The following VPS13B variants were observed in gnomAD, a reference collection of about 807,000 sequenced individuals.
The protein encoded by VPS13B is vacuolar protein sorting 13 homolog B, also known as intermembrane lipid transfer protein VPS13B.
In VPS13B, 285 loss-of-function variants were observed where a neutral mutation model predicts 426.4. The ratio of observed to expected loss-of-function variants is 0.67; its 90% CI spans 0.61 to 0.74. The LOEUF (loss-of-function observed/expected upper bound fraction) is 0.74. Among genes scored for constraint, VPS13B ranks in the 30% least tolerant of loss-of-function variants. The pLI, the probability that VPS13B is intolerant of heterozygous loss-of-function variation, is 0.00. For synonymous variants in VPS13B, 1,676 were observed against 1,676.4 expected (o/e 1.00, Z 0.01); for missense variants, 4,537 against 4,782.6 (o/e 0.95, Z 1.51).
chr8:99,821,103 A>AACACACAC (rs755074579), intron 49 of VPS13B, among the ~76,000 whole-genome samples, 191 bp from the exon 50 acceptor site: 979 of 78,320 alleles, frequency 0.013, 23 homozygotes, highest in Middle Eastern at 0.03. Context: ...GTCATTACAA[A>AACACACAC]ACACACACAC....
At chr8:99,637,099 T>C (rs1185376133) in intron 33 of VPS13B, among the ~76,000 whole-genome samples, 2 of 152,058 alleles carry the variant, frequency 1.3e-5, no homozygotes, top group Non-Finnish European at 2.9e-5. Context: ...TTAGTCCCCT[T>C]GGACAATAAT....
At chr8:99,406,845 G>A (rs1002371179) in intron 21 of VPS13B, among the ~76,000 whole-genome samples, 6 of 152,134 alleles carry the variant, frequency 3.9e-5, no homozygotes, top group Non-Finnish European at 7.4e-5. Context: ...ATAGATTTTA[G>A]GAATTAGAAA....
At chr8:99,521,092 TGTA>T in intron 30 of VPS13B, 82 bp downstream of exon 30, 1 of 1,101,654 alleles carries the variant, frequency 9.1e-7, no homozygotes, top group African/African-American at 1.5e-5. Flanking sequence ...TAGTGTGGCC[TGTA>T]GAAATATTTC....
chr8:99,045,787 A>G (rs539777180), intron 3 of VPS13B, among the ~76,000 whole-genome samples: 1 of 152,172 alleles, frequency 6.6e-6, no homozygotes, highest in South Asian at 2.1e-4. Flanking sequence ...TCCCAGCACC[A>G]TTTGTTGGAT....
intron 21 of VPS13B, among the ~76,000 whole-genome samples, chr8:99,431,159 G>A (rs993947022): frequency 6.6e-6 from 1 of 152,110 alleles, no homozygotes; most frequent in African/African-American, 2.4e-5. Flanking sequence ...TCCAAGAAAA[G>A]ATTTTATTGA....
In VPS13B at chr8:99,722,806, C is replaced by T. The variant is rs531788746; in HGVS notation, c.7050+1759C>T. On this transcript the variant is annotated intron_variant, in intron 39 of 61. Coordinates refer to ENST00000357162, the MANE Select transcript of VPS13B (RefSeq NM_152564.5). Reference sequence around the variant, plus strand: ...ACAGGCGTGAGCCACCGTGCCCGGCCGAATTCTACTGTCTTATCAGACTTG... The same window carrying T: ...ACAGGCGTGAGCCACCGTGCCCGGCTGAATTCTACTGTCTTATCAGACTTG... Among the ~76,000 whole-genome samples the T allele has an allele frequency of 9.2e-5, 14 of 152,154 alleles. No homozygotes were observed. In the Middle Eastern group the frequency reaches 0.02, roughly 222 times the overall value.
intron 39 of VPS13B, among the ~76,000 whole-genome samples, chr8:99,725,872 C>T (rs986578820): frequency 2.5e-4 from 38 of 152,182 alleles, no homozygotes; most frequent in African/African-American, 3.9e-4. Flanking sequence ...CTTACCTGCT[C>T]CCTTAAACAG....
intron 33 of VPS13B, among the ~76,000 whole-genome samples, chr8:99,589,136 C>T (rs1404372372): frequency 6.6e-6 from 1 of 151,622 alleles, no homozygotes; most frequent in Non-Finnish European, 1.5e-5. Context: ...CCTTGCATCC[C>T]AGGGATGAAG....
At chr8:99,824,091 G>C in intron 51 of VPS13B, 113 bp downstream of exon 51, 1 of 1,294,032 alleles carries the variant, frequency 7.7e-7, no homozygotes. Context: ...TGTAGGTAAA[G>C]AGAAATTCAC....
In VPS13B at chr8:99,498,969, A is replaced by G. The variant is rs534568245; in HGVS notation, c.3871-2718A>G. On this transcript the variant is annotated intron_variant, in intron 25 of 61. Transcript: ENST00000357162. ...AATGCAGGAGTTATTTTGATAAGATAGAGTAGCAATGGGGCCAAAACTATG... is the reference window on the plus strand; with the variant it reads ...AATGCAGGAGTTATTTTGATAAGATGGAGTAGCAATGGGGCCAAAACTATG... 1.1e-4 allele frequency among the ~76,000 whole-genome samples: 17 copies of G among 152,256 alleles called. No homozygotes were observed. The East Asian group carries it at 2.9e-3, about 26-fold the overall frequency.
intron 21 of VPS13B, among the ~76,000 whole-genome samples, chr8:99,397,833 TTTG>T (rs1344702502): frequency 6.6e-6 from 1 of 152,156 alleles, no homozygotes; most frequent in Non-Finnish European, 1.5e-5. Context: ...TACACCCCAT[TTTG>T]TTTATATACT....
rs189046104 is a variant in VPS13B, at chr8:99,742,777, C to T, written c.7050+21730C>T. On this transcript the variant is annotated intron_variant, in intron 39 of 61. Transcript: ENST00000357162. ...AAGGCCTTTGACAAAATTCAACAAC[C>T]CTTCACGCCAAAAACTCTCAATAAA... is the stretch of plus-strand genomic sequence containing the variant. Among the ~76,000 whole-genome samples the T allele has an allele frequency of 7.4e-3, 1,119 of 152,190 alleles. 9 individuals carry two copies. The highest frequency in any genetic ancestry group is 0.014 in the Middle Eastern group (4 of 294).
chr8:99,562,137 T>C (rs551487299), intron 31 of VPS13B, among the ~76,000 whole-genome samples: 24 of 152,322 alleles, frequency 1.6e-4, no homozygotes, highest in Non-Finnish European at 2.8e-4. Flanking sequence ...CACATCATCC[T>C]ACTGGGTGTG....
At chr8:99,114,923 T>C (rs1588053057) in intron 6 of VPS13B, among the ~76,000 whole-genome samples, 1 of 152,210 alleles carries the variant, frequency 6.6e-6, no homozygotes, top group Non-Finnish European at 1.5e-5. Context: ...ACTGAAGTTG[T>C]GTTTATATTC....
At chr8:99,842,452 TAA>T (rs569624612) in intron 54 of VPS13B, among the ~76,000 whole-genome samples, 7 of 143,132 alleles carry the variant, frequency 4.9e-5, no homozygotes, top group Admixed American at 6.9e-5. Flanking sequence ...CTACAGAAAT[TAA>T]AAAAAAAAAA....
intron 43 of VPS13B, chr8:99,796,960 G>A (rs1812865327): frequency 6.6e-6 from 1 of 152,226 alleles, no homozygotes; most frequent in Non-Finnish European, 1.5e-5. Context: ...GTTGCGCAGA[G>A]CAAGCCACAA....
In VPS13B at chr8:99,143,292, T is replaced by C. The variant is rs1327842607; in HGVS notation, c.1843+127T>C. On this transcript the variant is annotated intron_variant, in intron 13 of 61. Coordinates refer to ENST00000357162, the MANE Select transcript of VPS13B (RefSeq NM_152564.5). ...TTGCCTGTTTGCAAGGACTTTGATATATGTAGCTGTTTATTTAAAGAATAA... is the reference window on the plus strand; with the variant it reads ...TTGCCTGTTTGCAAGGACTTTGATACATGTAGCTGTTTATTTAAAGAATAA... The C allele has an allele frequency of 2.7e-6, 3 of 1,121,504 alleles. No individual in the cohort carries two copies. The African/African-American group carries it at 4.7e-5, about 17-fold the overall frequency. 69.5% of individuals were successfully genotyped at this position (1,121,504 alleles called of 1,614,324 possible).
intron 52 of VPS13B, 88 bp from the exon 53 acceptor site, chr8:99,835,109 T>A: frequency 6.4e-7 from 1 of 1,564,822 alleles, no homozygotes; most frequent in Non-Finnish European, 8.8e-7. Context: ...GTTCTGAATG[T>A]TGCAAATCTA....
At chr8:99,205,701 A>G (rs1416881095) in intron 17 of VPS13B, among the ~76,000 whole-genome samples, 1 of 152,164 alleles carries the variant, frequency 6.6e-6, no homozygotes, top group Non-Finnish European at 1.5e-5. Flanking sequence ...TACCAGGAAT[A>G]TTGTTGTTGG....
Sources: allele counts gnomAD v4.1 joint callset (sites outside exome capture counted in the v4.1 genomes callset), GRCh38; gene constraint gnomAD v4.1.1; transcripts MANE v1.5; gene names NCBI Gene and HGNC (gene_info 2026-07-23, HGNC 2026-07-21).